The following RING1 variants were observed in gnomAD, a reference collection of about 807,000 sequenced individuals.
The protein encoded by RING1 is ring finger protein 1, also known as E3 ubiquitin-protein ligase RING1.
A neutral mutation model predicts 35.0 loss-of-function variants in RING1; 8 were observed. The ratio of observed to expected loss-of-function variants is 0.23; its 90% confidence interval spans 0.13 to 0.41. The LOEUF is 0.41. RING1 is among the 10% of genes least tolerant of loss of function. The probability of loss-of-function intolerance (pLI) is 1.00; values close to 1 mark genes in which losing one functional copy is unlikely to be tolerated. For missense variants in RING1, 343 were observed against 546.8 expected (o/e 0.63, Z 3.72); for synonymous variants, 214 against 224.3 (o/e 0.95, Z 0.41).
At position 33,212,117 on chromosome 6, in the gene RING1, ATCTC is replaced by A. The variant is rs1562456310; in HGVS notation, c.1119+117_1119+120del. ...AGCACTCTTCCCCTATACATCCTCTATCTCTTTCTATGTCCCCTCTCCTTTCCCA... is the reference window on the plus strand; with the variant it reads ...AGCACTCTTCCCCTATACATCCTCTATTTCTATGTCCCCTCTCCTTTCCCA... On this transcript the variant is annotated intron_variant, in intron 6 of 6. Transcript: ENST00000374656. 109 of 873,306 alleles carry A rather than the reference ATCTC, an allele frequency of 1.2e-4. 1 individual carries two copies. The South Asian group carries it at 1.7e-3, about 14-fold the overall frequency. 54.1% of individuals were successfully genotyped at this position (873,306 alleles called of 1,614,324 possible).
In RING1 at chr6:33,211,017, TA is replaced by T; in HGVS notation, c.456-140del. 1 of 905,992 alleles carries T rather than the reference TA, an allele frequency of 1.1e-6. No homozygotes were observed. The highest frequency in any genetic ancestry group is 1.7e-5 in the African/African-American group (1 of 60,236). The allele number at this position is 905,992 out of a possible 1,614,324, so 56.1% of individuals were successfully genotyped here. The stretch of plus-strand genomic sequence containing the variant: ...AAGGGGATTGGTGCAAAACACTTAG[TA>T]TACTGAGTGCTTAGCACATTGTGTT... On this transcript the variant is annotated intron_variant, in intron 4 of 6. Coordinates refer to ENST00000374656, the MANE Select transcript of RING1 (RefSeq NM_002931.4). The surrounding 1 kb of genome is among the most constrained non-coding windows in gnomAD (Gnocchi z 6.3).
chr6:33,211,983 C>T lies in RING1; in HGVS notation c.1100C>T (p.Pro367Leu). The change falls in exon 6 of 7, where the codon CCT becomes CTT. Residue 367 changes from proline (P) to leucine (L), a missense_variant. Transcript: ENST00000374656. This position sits in a 1 kb window ranked among gnomAD's most constrained non-coding sequence, Gnocchi z 6.3. The stretch of plus-strand genomic sequence containing the variant: ...AAGCAGTACACCATCTACATCGCAC[C>T]TGGAGGCGGGGCGTTCACGGTGAGA... ...SEKQYTIYIAPGGGAFTTLNG... is the reference protein window; with the variant it reads ...SEKQYTIYIALGGGAFTTLNG... 6.5e-7 allele frequency: 1 copy of T among 1,546,080 alleles called. No individual in the cohort carries two copies. The highest frequency in any genetic ancestry group is 8.7e-7 in the Non-Finnish European group (1 of 1,143,388).
Position 33,208,725 on chromosome 6 carries a change from G to A in RING1, c.-58-40G>A. On this transcript the variant is annotated intron_variant, in intron 1 of 6. Coordinates refer to ENST00000374656, the MANE Select transcript of RING1 (RefSeq NM_002931.4). The surrounding 1 kb of genome is among the most constrained non-coding windows in gnomAD (Gnocchi z 6.2). The stretch of plus-strand genomic sequence containing the variant: ...GAGGGGCGGGGTCTACGCGAGGGGC[G>A]GCCCCCCTGACGCCCTCCTCCCCTT... 5.1e-6 allele frequency: 5 copies of A among 979,730 alleles called. No individual in the cohort carries two copies. Among genetic ancestry groups the A allele is most frequent in the Non-Finnish European group, 7.3e-6 (5 of 684,142 alleles). The allele number at this position is 979,730 out of a possible 1,614,324, so 60.7% of individuals were successfully genotyped here. A position where few individuals can be genotyped will look rare whatever the true frequency, so the allele number is the denominator to read the frequency against.
intron 6 of RING1, 46 bp downstream of exon 6, chr6:33,212,048 G>A (rs1422194239): frequency 4.2e-6 from 6 of 1,429,444 alleles, no homozygotes; most frequent in Middle Eastern, 4.7e-4. Flanking sequence ...GAGGAGGGAG[G>A]GTGGTCTGGG....
rs375610066 is a variant in RING1 at position 33,212,632 on chromosome 6, T to C, written c.*233T>C. The C allele has an allele frequency of 2.1e-4, 95 of 451,356 alleles. No individual in the cohort carries two copies. The highest frequency in any genetic ancestry group is 3.4e-4 in the Non-Finnish European group (86 of 255,400). The allele number at this position is 451,356 out of a possible 1,614,324, so 28.0% of individuals were successfully genotyped here. ...TTTTCTATTGCCCTGCAACGTCCCA[T>C]CTATACGAGGTGTTGGAGAAGGTGA... On this transcript the variant is annotated 3_prime_UTR_variant, in exon 7 of 7. Coordinates refer to ENST00000374656, the MANE Select transcript of RING1 (RefSeq NM_002931.4).
At position 33,211,289 on chromosome 6, in the gene RING1, C is replaced by G. The variant is rs765152735; in HGVS notation, c.587C>G (p.Pro196Arg). ...TCAGACTCCGCCCCTGACTCTGCCCCAGGCCCTGCTCCCAAGCGACCCCGT... is the reference window on the plus strand; with the variant it reads ...TCAGACTCCGCCCCTGACTCTGCCCGAGGCCCTGCTCCCAAGCGACCCCGT... ...VSSDSAPDSA[P>R]GPAPKRPRGG... Residue 196 changes from proline to arginine, a missense_variant, in exon 5 of 7, where the codon CCA (proline) becomes CGA (arginine). Physicochemically the swap from Pro to Arg is moderately radical, Grantham distance 103 (BLOSUM62 -2). Coordinates refer to ENST00000374656, the MANE Select transcript of RING1 (RefSeq NM_002931.4). This position sits in a 1 kb window ranked among gnomAD's most constrained non-coding sequence, Gnocchi z 6.3. The G allele has an allele frequency of 1.2e-6, 2 of 1,612,112 alleles. No homozygotes were observed. The highest frequency in any genetic ancestry group is 2.7e-5 in the African/African-American group (2 of 74,698).
chr6:33,211,457 C>A lies in RING1; in HGVS notation c.755C>A (p.Ala252Asp). The change falls in exon 5 of 7, where the codon GCC (alanine) becomes GAC (aspartate). Residue 252 changes from alanine to aspartate, a missense_variant. Ala to Asp is a moderately radical substitution (Grantham distance 126). Coordinates refer to ENST00000374656, the MANE Select transcript of RING1 (RefSeq NM_002931.4). This position sits in a 1 kb window ranked among gnomAD's most constrained non-coding sequence, Gnocchi z 6.3. Reference protein sequence around the residue: ...GTLGPPSPPGAPSPPEPGGEI... With the variant: ...GTLGPPSPPGDPSPPEPGGEI... ...CTGGGCCCCCCAAGCCCTCCTGGGGCCCCCAGCCCCCCAGAGCCAGGTGGA... is the reference window on the plus strand; with the variant it reads ...CTGGGCCCCCCAAGCCCTCCTGGGGACCCCAGCCCCCCAGAGCCAGGTGGA... The A allele has an allele frequency of 6.3e-7, 1 of 1,589,608 alleles. No individual in the cohort carries two copies. The highest frequency in any genetic ancestry group is 1.1e-5 in the South Asian group (1 of 89,338).
In RING1 at chr6:33,209,025, A is replaced by G. The variant is rs1775351896; in HGVS notation, c.78+125A>G. 1.2e-6 allele frequency: 1 copy of G among 813,996 alleles called. No individual in the cohort carries two copies. Among genetic ancestry groups the G allele is most frequent in the African/African-American group, 1.7e-5 (1 of 59,042 alleles). 50.4% of individuals were successfully genotyped at this position (813,996 alleles called of 1,614,324 possible). ...CCTTGCCTGGCCCTACCTTTGAATCACCTTAATCTTTCCAAAGCACTTTCG... is the reference window on the plus strand; with the variant it reads ...CCTTGCCTGGCCCTACCTTTGAATCGCCTTAATCTTTCCAAAGCACTTTCG... On this transcript the variant is annotated intron_variant, in intron 2 of 6. Coordinates refer to ENST00000374656, the MANE Select transcript of RING1 (RefSeq NM_002931.4). This position sits in a 1 kb window ranked among gnomAD's most constrained non-coding sequence, Gnocchi z 5.1.
Position 33,211,669 on chromosome 6 carries a change from CT to C in RING1, c.846-59del. The C allele has an allele frequency of 6.5e-7, 1 of 1,538,802 alleles. No homozygotes were observed. The highest frequency in any genetic ancestry group is 8.7e-7 in the Non-Finnish European group (1 of 1,145,670). On this transcript the variant is annotated intron_variant, in intron 5 of 6. Coordinates refer to ENST00000374656, the MANE Select transcript of RING1 (RefSeq NM_002931.4). This position sits in a 1 kb window ranked among gnomAD's most constrained non-coding sequence, Gnocchi z 6.3. ...ACCCAGAATCCATTTTGGAAAGCCC[CT>C]ACCTCCAGTCCTCATCTGAGGCGCT...
Position 33,208,796 on chromosome 6 carries a change from C to T in RING1, c.-27C>T. On this transcript the variant is annotated 5_prime_UTR_variant, in exon 2 of 7. Coordinates refer to ENST00000374656, the MANE Select transcript of RING1 (RefSeq NM_002931.4). This position sits in a 1 kb window ranked among gnomAD's most constrained non-coding sequence, Gnocchi z 6.2. ...TCGCCTTCTCCTCGGCTGTGGAGCCCTGGTGGGGGGTCTGCGCCCGGTCAC... is the reference window on the plus strand; with the variant it reads ...TCGCCTTCTCCTCGGCTGTGGAGCCTTGGTGGGGGGTCTGCGCCCGGTCAC... The T allele has an allele frequency of 1.9e-6, 3 of 1,581,808 alleles. No homozygotes were observed. Among genetic ancestry groups the T allele is most frequent in the Non-Finnish European group, 2.6e-6 (3 of 1,161,474 alleles).
Position 33,211,303 on chromosome 6 carries a change from A to T in RING1, c.601A>T (p.Lys201Ter), listed in dbSNP as rs1473147798. 1 of 1,612,192 alleles carries T rather than the reference A, an allele frequency of 6.2e-7. No individual in the cohort carries two copies. Residue 201 changes from lysine (K) to a stop codon, truncating the protein, a stop_gained, in exon 5 of 7, where the codon AAG becomes TAG. Coordinates refer to ENST00000374656, the MANE Select transcript of RING1 (RefSeq NM_002931.4). LOFTEE classifies it high-confidence loss of function. This position sits in a 1 kb window ranked among gnomAD's most constrained non-coding sequence, Gnocchi z 6.3. ...APDSAPGPAP[K>*]RPRGGGAGGS... ...TGACTCTGCCCCAGGCCCTGCTCCC[A>T]AGCGACCCCGTGGAGGGGGCGCAGG...
rs1050632680 is a variant in RING1, at chr6:33,208,508, C to G, written c.-195C>G. ...GAGCAGGCGGAAGTGACGTAGGGCC[C>G]CAGCGCCCGGGCCATGGCGGCGGCG... On this transcript the variant is annotated 5_prime_UTR_variant, in exon 1 of 7. Transcript: ENST00000374656. The surrounding 1 kb of genome is among the most constrained non-coding windows in gnomAD (Gnocchi z 6.2). The G allele has an allele frequency of 9.5e-6, 4 of 422,888 alleles. No homozygotes were observed. Among genetic ancestry groups the G allele is most frequent in the Middle Eastern group, 5.7e-4 (1 of 1,740 alleles). The allele number at this position is 422,888 out of a possible 1,614,324, so 26.2% of individuals were successfully genotyped here.
At position 33,211,082 on chromosome 6, in the gene RING1, C is replaced by G; in HGVS notation, c.456-76C>G. ...GTATCGTCATTAGGATTTTTCTTATCTCTTAATTCTCTGAAGTTTAAAGTC... is the reference window on the plus strand; with the variant it reads ...GTATCGTCATTAGGATTTTTCTTATGTCTTAATTCTCTGAAGTTTAAAGTC... On this transcript the variant is annotated intron_variant, in intron 4 of 6. Transcript: ENST00000374656. The surrounding 1 kb of genome is among the most constrained non-coding windows in gnomAD (Gnocchi z 6.3). 1 of 1,456,046 alleles carries G rather than the reference C, an allele frequency of 6.9e-7. No individual in the cohort carries two copies. Among genetic ancestry groups the G allele is most frequent in the Non-Finnish European group, 9.2e-7 (1 of 1,087,184 alleles). 90.2% of individuals were successfully genotyped at this position (1,456,046 alleles called of 1,614,324 possible). A position where few individuals can be genotyped will look rare whatever the true frequency, so the allele number is the denominator to read the frequency against.
chr6:33,209,464 T>C lies in RING1; in HGVS notation c.79-162T>C. ...TAAAGTCTGTCTTTTCTCCATTTGC[T>C]CCAAGTCATCAGTCCTTCTCTTTCT... On this transcript the variant is annotated intron_variant, in intron 2 of 6. Transcript: ENST00000374656. The surrounding 1 kb of genome is among the most constrained non-coding windows in gnomAD (Gnocchi z 5.1). 1 of 666,020 alleles carries C rather than the reference T, an allele frequency of 1.5e-6. No homozygotes were observed. The highest frequency in any genetic ancestry group is 2.5e-6 in the Non-Finnish European group (1 of 393,696). 41.3% of individuals were successfully genotyped at this position (666,020 alleles called of 1,614,324 possible).
chr6:33,211,057 G>T lies in RING1; in HGVS notation c.456-101G>T. The stretch of plus-strand genomic sequence containing the variant: ...GCACATTGTGTTTAATAAATATTAG[G>T]TATCGTCATTAGGATTTTTCTTATC... On this transcript the variant is annotated intron_variant, in intron 4 of 6. Transcript: ENST00000374656. The surrounding 1 kb of genome is among the most constrained non-coding windows in gnomAD (Gnocchi z 6.3). 1 of 1,302,306 alleles carries T rather than the reference G, an allele frequency of 7.7e-7. No individual in the cohort carries two copies. The highest frequency in any genetic ancestry group is 2.3e-5 in the East Asian group (1 of 42,654). 80.7% of individuals were successfully genotyped at this position (1,302,306 alleles called of 1,614,324 possible).
intron 6 of RING1, 66 bp from the exon 7 acceptor site, chr6:33,212,232 T>C: frequency 8.2e-7 from 1 of 1,221,868 alleles, no homozygotes; most frequent in Non-Finnish European, 1.2e-6. Flanking sequence ...TCTCATTCAT[T>C]TCCTTTTCCA....
At position 33,208,801 on chromosome 6, in the gene RING1, G is replaced by C. The variant is rs751841099; in HGVS notation, c.-22G>C. ...TTCTCCTCGGCTGTGGAGCCCTGGT[G>C]GGGGGTCTGCGCCCGGTCACCATGA... On this transcript the variant is annotated 5_prime_UTR_variant, in exon 2 of 7. Coordinates refer to ENST00000374656, the MANE Select transcript of RING1 (RefSeq NM_002931.4). The surrounding 1 kb of genome is among the most constrained non-coding windows in gnomAD (Gnocchi z 6.2). 3.4e-5 allele frequency: 54 copies of C among 1,585,650 alleles called. No individual in the cohort carries two copies. Among genetic ancestry groups the C allele is most frequent in the Middle Eastern group, 1.7e-4 (1 of 5,976 alleles).
Position 33,211,359 on chromosome 6 carries a change from C to T in RING1, c.657C>T (p.Gly219=), listed in dbSNP as rs1458176178. The change falls in exon 5 of 7, where the codon GGC becomes GGT. Residue 219 remains glycine (G), a synonymous_variant. Coordinates refer to ENST00000374656, the MANE Select transcript of RING1 (RefSeq NM_002931.4). The surrounding 1 kb of genome is among the most constrained non-coding windows in gnomAD (Gnocchi z 6.3). ...GCAGTGTAGGGACAGGGGGAGGCGG[C>T]ACTGGTGGGGTGGGTGGGGGTGCCG... The part of the protein sequence containing the change: ...GGSSVGTGGG[G]TGGVGGGAGS... 4.8e-5 allele frequency: 75 copies of T among 1,553,688 alleles called. No individual in the cohort carries two copies. Among genetic ancestry groups the T allele is most frequent in the Non-Finnish European group, 6.3e-5 (72 of 1,143,614 alleles).
chr6:33,211,848 G>T lies in RING1; in HGVS notation c.965G>T (p.Gly322Val). Reference protein sequence around the residue: ...EAGEPGGPGGGASDTGGPDGC... With the variant: ...EAGEPGGPGGVASDTGGPDGC... ...GGGGAGCCAGGAGGGCCTGGAGGGG[G>T]CGCCTCTGACACCGGAGGACCTGAT... Residue 322 changes from glycine to valine, a missense_variant, in exon 6 of 7, where the codon GGC becomes GTC. This residue lies in a region of RING1 where 278 missense variants were observed against 383.5 expected (regional missense o/e 0.72). Transcript: ENST00000374656. This position sits in a 1 kb window ranked among gnomAD's most constrained non-coding sequence, Gnocchi z 6.3. 1 of 1,612,810 alleles carries T rather than the reference G, an allele frequency of 6.2e-7. No individual in the cohort carries two copies. Among genetic ancestry groups the T allele is most frequent in the Non-Finnish European group, 8.5e-7 (1 of 1,179,524 alleles).
Sources: gnomAD v4.1 joint callset for allele counts on GRCh38, gnomAD v4.1.1 for gene constraint, gnomAD v4.1.1 regional missense constraint, Gnocchi (gnomAD v3.1) non-coding constraint, MANE v1.5 for transcripts, NCBI Gene and HGNC (gene_info 2026-07-23, HGNC 2026-07-21) for gene names.